The following CSMD3 variants were observed in gnomAD, a reference collection of about 807,000 sequenced individuals.
CSMD3 encodes the protein CUB and sushi domain-containing protein 3.
Under a neutral mutation model 435.2 loss-of-function variants are expected in CSMD3, and 177 were observed. That is an observed-to-expected ratio of 0.41 (90% CI 0.36 to 0.46). The LOEUF (loss-of-function observed/expected upper bound fraction) is 0.46. CSMD3 is among the 20% of genes least tolerant of loss of function. The probability of loss-of-function intolerance (pLI) is 0.34; values close to 1 mark genes in which losing one functional copy is unlikely to be tolerated. For missense variants in CSMD3, 4,265 were observed against 4,504.6 expected, an observed-to-expected ratio of 0.95 and a Z score of 1.52; for synonymous variants, 1,656 against 1,520.5, an observed-to-expected ratio of 1.09 and a Z score of -2.07.
intron 12 of CSMD3, among the ~76,000 whole-genome samples, chr8:112,802,564 G>A (rs1039651223): frequency 1.3e-5 from 2 of 151,860 alleles, no homozygotes; most frequent in African/African-American, 4.8e-5. Flanking sequence ...ATCACAGTTT[G>A]GTTTAATCCT....
intron 1 of CSMD3, among the ~76,000 whole-genome samples, chr8:113,321,652 G>C (rs536064818): frequency 6.6e-6 from 1 of 152,246 alleles, no homozygotes; most frequent in African/African-American, 2.4e-5. Flanking sequence ...TAGAAATTCA[G>C]TAAGCACTTT....
chr8:113,251,794 A>C (rs1336605243), intron 3 of CSMD3, among the ~76,000 whole-genome samples: 1 of 152,082 alleles, frequency 6.6e-6, no homozygotes, highest in Non-Finnish European at 1.5e-5. Context: ...AGCTTTAGTG[A>C]CCTGAATTCT....
chr8:112,640,942 G>A (rs1410347923), intron 20 of CSMD3, among the ~76,000 whole-genome samples: 1 of 152,004 alleles, frequency 6.6e-6, no homozygotes, highest in African/African-American at 2.4e-5. Context: ...TGCTTGTTCT[G>A]AAATACATAG....
At chr8:112,902,933 A>G (rs2082145938) in intron 10 of CSMD3, among the ~76,000 whole-genome samples, 1 of 151,246 alleles carries the variant, frequency 6.6e-6, no homozygotes, top group Admixed American at 6.6e-5. Context: ...CTGACCCACA[A>G]AGCTTTGTAA....
chr8:113,064,381 G>A (rs2088759031), intron 5 of CSMD3, among the ~76,000 whole-genome samples: 1 of 151,944 alleles, frequency 6.6e-6, no homozygotes, highest in African/African-American at 2.4e-5. Flanking sequence ...TCTTTTCTAT[G>A]TTTAATATAT....
chr8:113,133,781 A>C (rs77456526), intron 4 of CSMD3, among the ~76,000 whole-genome samples: 3,065 of 152,236 alleles, frequency 0.02, 100 homozygotes, highest in African/African-American at 0.07. Context: ...CACATTATAA[A>C]GTGAAATAAA....
chr8:112,825,254 C>T (rs947698499), intron 12 of CSMD3, among the ~76,000 whole-genome samples: 1 of 152,112 alleles, frequency 6.6e-6, no homozygotes, highest in Admixed American at 6.5e-5. Flanking sequence ...TTAGAACGTG[C>T]TCCTTTAGCT....
At chr8:112,264,419 T>C (rs1051879101) in intron 60 of CSMD3, among the ~76,000 whole-genome samples, 1 of 152,068 alleles carries the variant, frequency 6.6e-6, no homozygotes, top group Non-Finnish European at 1.5e-5. Context: ...ACAGGTTGGA[T>C]AAGATAGAGA....
chr8:113,367,027 A>G (rs1308109238), intron 1 of CSMD3, among the ~76,000 whole-genome samples: 1 of 151,910 alleles, frequency 6.6e-6, no homozygotes, highest in African/African-American at 2.4e-5. Flanking sequence ...TACTTTTTTT[A>G]AGGTTGAGAG....
intron 2 of CSMD3, among the ~76,000 whole-genome samples, chr8:113,283,522 C>T (rs181890552): frequency 6.8e-4 from 103 of 152,228 alleles, no homozygotes; most frequent in African/African-American, 2.4e-3. Flanking sequence ...ATCAAAACTA[C>T]AATGCAATAC....
chr8:112,370,031 A>AGGAAGAAGAAGAAGAAGAAGC (rs1828203857), intron 38 of CSMD3, among the ~76,000 whole-genome samples: 1 of 82,788 alleles, frequency 1.2e-5, no homozygotes, highest in Non-Finnish European at 2.9e-5. Flanking sequence ...GAGGAAGAAG[A>AGGAAGAAGAAGAAGAAGAAGC]AGAAGAAGAA....
chr8:112,690,047 A>G lies in CSMD3; in HGVS notation c.1976T>C (p.Ile659Thr), dbSNP rs2076096722. ...AGGATCACCACAACTTTCTTTCTCA[A>G]TTTCTGGAAAAATAGAAGATAAAAG... is the stretch of plus-strand genomic sequence containing the variant. Reference protein sequence around the residue: ...SVGFKVNYKEIEKESCGDPGT... With the variant: ...SVGFKVNYKETEKESCGDPGT... Residue 659 changes from isoleucine to threonine, a missense_variant, in exon 14 of 71, where the codon ATT becomes ACT. Transcript: ENST00000297405. 3 of 1,612,642 alleles carry G rather than the reference A, an allele frequency of 1.9e-6. No homozygotes were observed. Among genetic ancestry groups the G allele is most frequent in the South Asian group, 2.2e-5 (2 of 91,056 alleles).
chr8:112,795,534 C>T lies in CSMD3; in HGVS notation c.1972+4628G>A, dbSNP rs532779516. On this transcript the variant is annotated intron_variant, in intron 13 of 70. Coordinates refer to ENST00000297405, the MANE Select transcript of CSMD3 (RefSeq NM_198123.2). ...AAGAAGAATAAGACAGAAATGCTAG[C>T]TCTCATCACTATAATTTAATGGAAT... Among the ~76,000 whole-genome samples the T allele has an allele frequency of 1.6e-4, 25 of 152,218 alleles. 2 individuals are homozygous for T. In the South Asian group the frequency reaches 1.9e-3, roughly 11 times the overall value.
At chr8:113,401,095 A>G (rs771661496) in intron 1 of CSMD3, among the ~76,000 whole-genome samples, 5 of 151,814 alleles carry the variant, frequency 3.3e-5, no homozygotes, top group Non-Finnish European at 7.4e-5. Context: ...GAAAAAATAC[A>G]TACAAACATC....
At chr8:112,245,924 T>G (rs993628827) in intron 64 of CSMD3, among the ~76,000 whole-genome samples, 2 of 152,240 alleles carry the variant, frequency 1.3e-5, no homozygotes. Context: ...AGTCTGTCTC[T>G]ACTGCCATCT....
rs183892706 is a variant in CSMD3 at position 113,433,449 on chromosome 8, C to T, written c.178+3228G>A. Among the ~76,000 whole-genome samples, 702 of 152,302 alleles carry T rather than the reference C, an allele frequency of 4.6e-3. 1 individual carries two copies. Among genetic ancestry groups the T allele is most frequent in the Middle Eastern group, 0.034 (10 of 294 alleles). ...GCTCTTCCCCCTCATAAGACACCCGCGCCCCTCTCCAGTAGCAACTAACTG... is the reference window on the plus strand; with the variant it reads ...GCTCTTCCCCCTCATAAGACACCCGTGCCCCTCTCCAGTAGCAACTAACTG... On this transcript the variant is annotated intron_variant, in intron 1 of 70. Coordinates refer to ENST00000297405, the MANE Select transcript of CSMD3 (RefSeq NM_198123.2).
chr8:113,317,373 T>C (rs2093918173), intron 1 of CSMD3, among the ~76,000 whole-genome samples: 1 of 152,180 alleles, frequency 6.6e-6, no homozygotes, highest in South Asian at 2.1e-4. Context: ...CTGTTTTATA[T>C]ACTCTCAAGC....
At chr8:113,185,774 C>T (rs184940562) in intron 3 of CSMD3, among the ~76,000 whole-genome samples, 33 of 151,902 alleles carry the variant, frequency 2.2e-4, no homozygotes, top group East Asian at 3.9e-4. Context: ...TGCACGCGTG[C>T]GTGTATATGT....
chr8:112,694,637 C>G (rs1467510536), intron 13 of CSMD3, among the ~76,000 whole-genome samples: 1 of 152,008 alleles, frequency 6.6e-6, no homozygotes, highest in South Asian at 2.1e-4. Context: ...AAACATGCAC[C>G]TAGTATGTAA....
Sources: gnomAD v4.1 joint callset for allele counts (sites outside exome capture counted in the v4.1 genomes callset) on GRCh38, gnomAD v4.1.1 for gene constraint, MANE v1.5 for transcripts, NCBI Gene and HGNC (gene_info 2026-07-23, HGNC 2026-07-21) for gene names.